Variants in GPR107 observed in about 807,000 individuals in gnomAD.
The protein encoded by GPR107 is protein GPR107.
A neutral mutation model predicts 75.5 loss-of-function variants in GPR107; 31 were observed. The observed-to-expected ratio is 0.41, with a 90% CI of 0.31 to 0.55. GPR107 has a LOEUF of 0.55. GPR107 is among the 20% of genes least tolerant of loss of function. The pLI is 0.26. For synonymous variants in GPR107, 267 were observed against 251.3 expected (o/e 1.06, Z -0.59); for missense variants, 572 against 665.7 (o/e 0.86, Z 1.55).
At chr9:130,058,081 G>A (rs1829836584) in intron 1 of GPR107, among the ~76,000 whole-genome samples, 2 of 151,900 alleles carry the variant, frequency 1.3e-5, no homozygotes, top group South Asian at 2.1e-4. Context: ...CACCTGCCTC[G>A]GCCTCCCAAA....
chr9:130,067,375 T>G (rs561504501), intron 1 of GPR107, among the ~76,000 whole-genome samples: 44 of 152,302 alleles, frequency 2.9e-4, no homozygotes, highest in African/African-American at 9.9e-4. Context: ...CCCCTTGAGA[T>G]AGATGTTATT....
intron 14 of GPR107, among the ~76,000 whole-genome samples, chr9:130,111,990 G>A (rs561028088): frequency 4.1e-4 from 63 of 152,106 alleles, no homozygotes; most frequent in African/African-American, 1.5e-3. Flanking sequence ...ACTCTGTCTC[G>A]CCTGCTAAGA....
At chr9:130,085,291 A>G (rs1215474227) in intron 6 of GPR107, among the ~76,000 whole-genome samples, 1 of 152,152 alleles carries the variant, frequency 6.6e-6, no homozygotes, top group Admixed American at 6.6e-5. Flanking sequence ...CTGGGAAGCC[A>G]GTTAGGGTCA....
Position 130,112,091 on chromosome 9 carries a change from C to T in GPR107, c.1306+4552C>T, listed in dbSNP as rs948512926. On this transcript the variant is annotated intron_variant, in intron 14 of 17. Coordinates refer to ENST00000347136, the MANE Select transcript of GPR107 (RefSeq NM_020960.5). The surrounding 1 kb of genome is among the most constrained non-coding windows in gnomAD (Gnocchi z 4.0). ...CTTATAGGACTGGCGTCGAGATACA[C>T]ACCGTAAATTTAATTAACAGTCTCT... is the stretch of plus-strand genomic sequence containing the variant. 1.2e-4 allele frequency among the ~76,000 whole-genome samples: 18 copies of T among 152,350 alleles called. No homozygotes were observed. Among genetic ancestry groups the T allele is most frequent in the African/African-American group, 4.3e-4 (18 of 41,580 alleles).
intron 1 of GPR107, among the ~76,000 whole-genome samples, chr9:130,055,215 C>T (rs1210849645): frequency 1.3e-5 from 2 of 151,974 alleles, no homozygotes; most frequent in African/African-American, 4.8e-5. Flanking sequence ...CGCCTGTAAT[C>T]CTAGCACTTT....
chr9:130,086,956 T>C (rs1363366543), intron 7 of GPR107, among the ~76,000 whole-genome samples: 2 of 152,190 alleles, frequency 1.3e-5, no homozygotes, highest in Non-Finnish European at 2.9e-5. Context: ...GGCAGCATAA[T>C]AGCATACGTA....
chr9:130,055,946 CAAAT>C (rs143338115), intron 1 of GPR107, among the ~76,000 whole-genome samples: 28 of 151,046 alleles, frequency 1.9e-4, no homozygotes, highest in South Asian at 6.3e-4. Context: ...TACTCTGTCT[CAAAT>C]AAATAAATAA....
intron 1 of GPR107, among the ~76,000 whole-genome samples, chr9:130,071,660 A>G (rs962968823): frequency 6.7e-6 from 1 of 148,730 alleles, no homozygotes; most frequent in Non-Finnish European, 1.5e-5. Context: ...TGTTATTATC[A>G]TTATTATTAT....
At chr9:130,072,313 G>C (rs1440712880) in intron 1 of GPR107, among the ~76,000 whole-genome samples, 1 of 151,340 alleles carries the variant, frequency 6.6e-6, no homozygotes, top group Non-Finnish European at 1.5e-5. Flanking sequence ...CCGCCCCCTG[G>C]GGTTCACGCC....
At chr9:130,092,203 T>C (rs10988589) in intron 8 of GPR107, 45 bp from the exon 9 acceptor site, 388,862 of 1,538,764 alleles carry the variant, frequency 0.25, 51,521 homozygotes, top group Non-Finnish European at 0.27. Flanking sequence ...GAATAAGGGA[T>C]GATATGTTTC....
chr9:130,098,793 A>T (rs1830943048), intron 9 of GPR107, among the ~76,000 whole-genome samples: 1 of 152,110 alleles, frequency 6.6e-6, no homozygotes, highest in Non-Finnish European at 1.5e-5. Flanking sequence ...GGATTACTTG[A>T]AGTTACAAGT....
chr9:130,133,208 T>C (rs1197356911), intron 17 of GPR107: 8 of 152,174 alleles, frequency 5.3e-5, no homozygotes, highest in African/African-American at 1.7e-4. Flanking sequence ...GAGGCCTGTC[T>C]TGAAGAATAA....
At chr9:130,059,786 T>C (rs889692328) in intron 1 of GPR107, among the ~76,000 whole-genome samples, 2 of 150,838 alleles carry the variant, frequency 1.3e-5, no homozygotes, top group African/African-American at 2.5e-5. Context: ...TTGCCCAAGC[T>C]GGAATGCCAT....
intron 13 of GPR107, among the ~76,000 whole-genome samples, chr9:130,105,616 T>C (rs1831138788): frequency 6.6e-6 from 1 of 151,622 alleles, no homozygotes; most frequent in South Asian, 2.1e-4. Context: ...GATCCTGGGG[T>C]TTGTCAGTTA....
At position 130,083,567 on chromosome 9, in the gene GPR107, G is replaced by T. The variant is rs565494619; in HGVS notation, c.529G>T (p.Gly177Cys). 26 of 1,521,130 alleles carry T rather than the reference G, an allele frequency of 1.7e-5. No homozygotes were observed. The South Asian group carries it at 3.3e-4, about 19-fold the overall frequency. The allele number at this position is 1,521,130 out of a possible 1,614,324, so 94.2% of individuals were successfully genotyped here. A position where few individuals can be genotyped will look rare whatever the true frequency, so the allele number is the denominator to read the frequency against. ...CTTTTAAATGTTCTTGCTTCTAGAT[G>T]GTGGAAAGTCTAAAAGAAGTACAGT... ...AGNQTQKTQDGGKSKRSTVDS... is the reference protein window; with the variant it reads ...AGNQTQKTQDCGKSKRSTVDS... Residue 177 changes from glycine to cysteine, a missense_variant and splice_region_variant, in exon 6 of 18, where the codon GGT (glycine) becomes TGT (cysteine). Gly to Cys is a radical substitution (Grantham distance 159, BLOSUM62 -3). Transcript: ENST00000347136.
chr9:130,066,629 T>C lies in GPR107; in HGVS notation c.142-9007T>C, dbSNP rs112626832. Among the ~76,000 whole-genome samples, 495 of 152,246 alleles carry C rather than the reference T, an allele frequency of 3.3e-3. 1 individual carries two copies. Among genetic ancestry groups the C allele is most frequent in the African/African-American group, 0.011 (454 of 41,568 alleles). On this transcript the variant is annotated intron_variant, in intron 1 of 17. Coordinates refer to ENST00000347136, the MANE Select transcript of GPR107 (RefSeq NM_020960.5). The stretch of plus-strand genomic sequence containing the variant: ...CCCAGTGAGGTAGAAAAGGAGACAG[T>C]GTACTGTCGCAGCAGTGTGTGGTCA...
At chr9:130,131,964 T>G (rs782758681) in intron 17 of GPR107, among the ~76,000 whole-genome samples, 1 of 152,186 alleles carries the variant, frequency 6.6e-6, no homozygotes, top group Non-Finnish European at 1.5e-5. Flanking sequence ...CACTGCAGGC[T>G]TGAGCTCCCC....
chr9:130,109,595 A>G (rs1434307563), intron 14 of GPR107, among the ~76,000 whole-genome samples: 1 of 144,906 alleles, frequency 6.9e-6, no homozygotes, highest in African/African-American at 2.6e-5. Context: ...TTGGAGACGA[A>G]GTCTCGCACT....
At chr9:130,058,853 A>G (rs1316179112) in intron 1 of GPR107, among the ~76,000 whole-genome samples, 1 of 151,420 alleles carries the variant, frequency 6.6e-6, no homozygotes, top group Non-Finnish European at 1.5e-5. Flanking sequence ...ATTCCTTTTT[A>G]CTGTTGAATG....
Sources: allele counts gnomAD v4.1 joint callset (sites outside exome capture counted in the v4.1 genomes callset), GRCh38; gene constraint gnomAD v4.1.1; non-coding constraint Gnocchi (gnomAD v3.1); transcripts MANE v1.5; gene names NCBI Gene and HGNC (gene_info 2026-07-23, HGNC 2026-07-21).